The following FARP1 variants were observed in gnomAD, a reference collection of about 807,000 sequenced individuals.
FARP1 encodes the protein FERM, ARHGEF and pleckstrin domain-containing protein 1.
In FARP1, 52 loss-of-function variants were observed where a neutral mutation model predicts 128.8. The observed-to-expected ratio is 0.40, with a 90% CI of 0.32 to 0.51. The LOEUF (loss-of-function observed/expected upper bound fraction) is 0.51. FARP1 is among the 20% of genes least tolerant of loss of function. The pLI, the probability that FARP1 is intolerant of heterozygous loss-of-function variation, is 0.45. For synonymous variants in FARP1, 580 were observed against 551.8 expected (o/e 1.05, Z -0.72); for missense variants, 1,333 against 1,367.9 (o/e 0.97, Z 0.40).
At chr13:98,387,485 C>T (rs1318800988) in intron 8 of FARP1, among the ~76,000 whole-genome samples, 1 of 152,162 alleles carries the variant, frequency 6.6e-6, no homozygotes, top group Non-Finnish European at 1.5e-5. Context: ...TAGTCACGTG[C>T]AAAGCCTGTG....
At chr13:98,399,526 T>A (rs9556947) in intron 13 of FARP1, 29,213 of 152,028 alleles carry the variant, frequency 0.19, 4,283 homozygotes, top group East Asian at 0.74. Context: ...AGAGGTAGGG[T>A]TGGGTGTGAT....
intron 2 of FARP1, among the ~76,000 whole-genome samples, chr13:98,318,184 T>C (rs978285329): frequency 2.0e-5 from 3 of 151,096 alleles, no homozygotes; most frequent in African/African-American, 7.3e-5. Flanking sequence ...GCTTCCCAGG[T>C]AGCTGTGACT....
chr13:98,242,400 A>G (rs1882821542), intron 2 of FARP1, among the ~76,000 whole-genome samples: 1 of 152,154 alleles, frequency 6.6e-6, no homozygotes, highest in South Asian at 2.1e-4. Context: ...TTGGGGCCAG[A>G]TGCAGTGGCT....
At chr13:98,373,533 G>GACACACACACACAC (rs58658962) in intron 5 of FARP1, among the ~76,000 whole-genome samples, 2,145 of 130,994 alleles carry the variant, frequency 0.016, 49 homozygotes, top group Middle Eastern at 0.025. Flanking sequence ...CAGACAGACA[G>GACACACACACACAC]ACACACACAC....
chr13:98,373,083 A>G (rs75286359), intron 5 of FARP1, among the ~76,000 whole-genome samples: 1 of 152,286 alleles, frequency 6.6e-6, no homozygotes, highest in African/African-American at 2.4e-5. Flanking sequence ...GGAAGAGTCC[A>G]TGTAATCAGG....
At chr13:98,145,594 G>A (rs1875476375) in intron 1 of FARP1, among the ~76,000 whole-genome samples, 1 of 152,200 alleles carries the variant, frequency 6.6e-6, no homozygotes, top group Non-Finnish European at 1.5e-5. Context: ...AAGGGGGCTG[G>A]GCATGGTGGC....
intron 1 of FARP1, among the ~76,000 whole-genome samples, chr13:98,211,142 C>T (rs1330766374): frequency 6.6e-6 from 1 of 152,134 alleles, no homozygotes; most frequent in African/African-American, 2.4e-5. Context: ...AGGGTAAAGA[C>T]CATATTTTTC....
intron 5 of FARP1, among the ~76,000 whole-genome samples, chr13:98,373,529 GACAGACACACACACACAC>G (rs1247445183): frequency 5.0e-5 from 4 of 79,244 alleles, no homozygotes; most frequent in Admixed American, 3.9e-4. Flanking sequence ...GAGACAGACA[GACAGACACACACACACAC>G]ACACACACAC....
intron 2 of FARP1, among the ~76,000 whole-genome samples, chr13:98,243,921 C>T (rs1882920871): frequency 6.6e-6 from 1 of 151,942 alleles, no homozygotes; most frequent in Non-Finnish European, 1.5e-5. Context: ...AAGCCAAATT[C>T]TTTAAAATAT....
chr13:98,417,455 G>GGGAAAAAAAAAAAAAAAAAAAAAAAA (rs1491453247), intron 16 of FARP1, among the ~76,000 whole-genome samples: 1 of 58,454 alleles, frequency 1.7e-5, no homozygotes, highest in African/African-American at 5.7e-5. Context: ...CCAGAGGTTT[G>GGGAAAAAAAAAAAAAAAAAAAAAAAA]AAAAAAAAAA....
intron 2 of FARP1, among the ~76,000 whole-genome samples, chr13:98,275,193 TGTTAC>T: frequency 6.6e-6 from 1 of 152,268 alleles, no homozygotes; most frequent in East Asian, 1.9e-4. Flanking sequence ...TAAACTCTAA[TGTTAC>T]AGAATATCGT....
intron 1 of FARP1, among the ~76,000 whole-genome samples, chr13:98,166,094 C>CA (rs1183051151): frequency 6.6e-6 from 1 of 152,156 alleles, no homozygotes; most frequent in Non-Finnish European, 1.5e-5. Flanking sequence ...TTGTTCTCTT[C>CA]AGTTTAATAC....
At chr13:98,409,116 A>G (rs979217911) in intron 13 of FARP1, among the ~76,000 whole-genome samples, 29 of 152,154 alleles carry the variant, frequency 1.9e-4, no homozygotes, top group African/African-American at 6.5e-4. Context: ...CTATCTTATC[A>G]TTAATTACGT....
At chr13:98,225,577 C>T (rs1433592888) in intron 2 of FARP1, among the ~76,000 whole-genome samples, 2 of 152,166 alleles carry the variant, frequency 1.3e-5, no homozygotes, top group Admixed American at 6.5e-5. Flanking sequence ...CAGACTTTCC[C>T]GTCAGGACCC....
Position 98,446,810 on chromosome 13 carries a change from T to G in FARP1, c.3049T>G (p.Phe1017Val). Residue 1017 changes from phenylalanine (F) to valine (V), a missense_variant, in exon 26 of 27, where the codon TTC becomes GTC. Transcript: ENST00000319562. The stretch of plus-strand genomic sequence containing the variant: ...CTTCAGGGCGGAAAGCGAGTACACG[T>G]TCGAAAGGTAGACACCCCCTTCCCA... ...YYFRAESEYT[F>V]ERWMEVIRSA... The G allele has an allele frequency of 6.2e-7, 1 of 1,613,852 alleles. No individual in the cohort carries two copies. Among genetic ancestry groups the G allele is most frequent in the Non-Finnish European group, 8.5e-7 (1 of 1,179,938 alleles).
chr13:98,199,484 GTGA>G (rs1879799030), intron 1 of FARP1, among the ~76,000 whole-genome samples: 2 of 152,264 alleles, frequency 1.3e-5, no homozygotes, highest in South Asian at 2.1e-4. Context: ...TTTGTTAATG[GTGA>G]TGATCTCGAT....
chr13:98,275,290 C>CA (rs386773732), intron 2 of FARP1, among the ~76,000 whole-genome samples: 35 of 144,704 alleles, frequency 2.4e-4, no homozygotes, highest in Non-Finnish European at 4.7e-4. Context: ...TACATGATGT[C>CA]AGAGATTTGC....
At chr13:98,412,580 A>G (rs1891232976) in intron 16 of FARP1, among the ~76,000 whole-genome samples, 1 of 152,274 alleles carries the variant, frequency 6.6e-6, no homozygotes, top group Non-Finnish European at 1.5e-5. Flanking sequence ...AAGACATCCA[A>G]TGAATAATTA....
intron 16 of FARP1, among the ~76,000 whole-genome samples, chr13:98,412,845 A>T (rs1891240866): frequency 6.6e-6 from 1 of 152,260 alleles, no homozygotes; most frequent in African/African-American, 2.4e-5. Flanking sequence ...TTGATTGTCT[A>T]CTAAACATGC....
Sources: gnomAD v4.1 joint callset for allele counts (sites outside exome capture counted in the v4.1 genomes callset) on GRCh38, gnomAD v4.1.1 for gene constraint, MANE v1.5 for transcripts, NCBI Gene and HGNC (gene_info 2026-07-23, HGNC 2026-07-21) for gene names.